TNNT1: variants seen among roughly 807,000 people sequenced by gnomAD.
The protein encoded by TNNT1 is troponin T1, slow skeletal type.
A neutral mutation model predicts 50.6 loss-of-function variants in TNNT1; 53 were observed. That is an observed-to-expected ratio of 1.05 (90% CI 0.84 to 1.32). The LOEUF (loss-of-function observed/expected upper bound fraction) is 1.32, where lower values mean the gene tolerates loss of function less well. Ranked by LOEUF, TNNT1 falls within the 40% of genes most tolerant of loss-of-function variation. The pLI, the probability that TNNT1 is intolerant of heterozygous loss-of-function variation, is 0.00. For synonymous variants in TNNT1, 142 were observed against 138.0 expected (o/e 1.03, Z -0.20); for missense variants, 348 against 381.7 (o/e 0.91, Z 0.74).
At position 55,141,845 on chromosome 19, in the gene TNNT1, CTT is replaced by C. The variant is rs1414841022; in HGVS notation, c.192+10_192+11del. 6.2e-7 allele frequency: 1 copy of C among 1,613,800 alleles called. No individual in the cohort carries two copies. The highest frequency in any genetic ancestry group is 2.2e-5 in the East Asian group (1 of 44,850). On this transcript the variant is annotated intron_variant, in intron 7 of 13. Transcript: ENST00000588981. ...AGCAACTGCGCCTGCGGAGGGGTCT[CTT>C]GTCACTTACATCGAAGTCAACGCGC...
In TNNT1 at chr19:55,138,086, A is replaced by G; in HGVS notation, c.388-12T>C. ...CTCATCTTCTCCTCCTGTGGGAAGT[A>G]AGGGGTTAACCTCATGGACTCCCCT... On this transcript the variant is annotated splice_polypyrimidine_tract_variant and intron_variant, in intron 9 of 13. Transcript: ENST00000588981. The G allele has an allele frequency of 6.2e-7, 1 of 1,613,994 alleles. No individual in the cohort carries two copies. Among genetic ancestry groups the G allele is most frequent in the Non-Finnish European group, 8.5e-7 (1 of 1,179,956 alleles).
At chr19:55,148,780 C>A (rs556148332) in intron 1 of TNNT1, among the ~76,000 whole-genome samples, 1 of 151,710 alleles carries the variant, frequency 6.6e-6, no homozygotes, top group Non-Finnish European at 1.5e-5. Context: ...CTTCTGAGAC[C>A]CCCCCAATTC....
chr19:55,147,683 C>CTGAGGGGGGGGGGGCTGGAGGCT (rs1555860239), intron 1 of TNNT1, among the ~76,000 whole-genome samples: 11 of 90,466 alleles, frequency 1.2e-4, no homozygotes, highest in South Asian at 4.2e-4. Flanking sequence ...GGGCTGGGGT[C>CTGAGGGGGGGGGGGCTGGAGGCT]TGGACTCCTG....
At chr19:55,136,764 G>A (rs1410258328) in intron 11 of TNNT1, among the ~76,000 whole-genome samples, 1 of 152,164 alleles carries the variant, frequency 6.6e-6, no homozygotes, top group Non-Finnish European at 1.5e-5. Flanking sequence ...CGCATTCCTG[G>A]CTTGAATTTA....
intron 13 of TNNT1, 80 bp from the exon 14 acceptor site, chr19:55,133,040 GC>G: frequency 7.8e-7 from 1 of 1,287,100 alleles, no homozygotes; most frequent in Non-Finnish European, 1.1e-6. Context: ...AATTCAGGAA[GC>G]CCATTCCCCA....
At chr19:55,139,687 G>A (rs1407145212) in intron 9 of TNNT1, among the ~76,000 whole-genome samples, 3 of 152,068 alleles carry the variant, frequency 2.0e-5, no homozygotes, top group Non-Finnish European at 2.9e-5. Context: ...CCCCTTCACA[G>A]CTGGGTGACG....
intron 1 of TNNT1, 42 bp from the exon 2 acceptor site, chr19:55,147,210 A>C: frequency 1.9e-6 from 3 of 1,599,588 alleles, no homozygotes; most frequent in Non-Finnish European, 2.6e-6. Flanking sequence ...TGGGGCCCCA[A>C]GGAGGGGGCG....
At chr19:55,146,912 G>C in intron 3 of TNNT1, 96 bp downstream of exon 3, 1 of 1,450,494 alleles carries the variant, frequency 6.9e-7, no homozygotes, top group Non-Finnish European at 9.2e-7. Flanking sequence ...GGGCTGAGCC[G>C]CCCCTTCCCC....
chr19:55,146,926 A>T (rs899590065), intron 3 of TNNT1, 82 bp downstream of exon 3: 3 of 1,482,100 alleles, frequency 2.0e-6, no homozygotes, highest in African/African-American at 1.4e-5. Context: ...CTTCCCCGCC[A>T]AAGTGCCACA....
chr19:55,141,605 T>C (rs1320026269), intron 7 of TNNT1, among the ~76,000 whole-genome samples: 3 of 150,216 alleles, frequency 2.0e-5, no homozygotes, highest in Non-Finnish European at 4.4e-5. Flanking sequence ...TGCCTCAGCC[T>C]CCCGAGTAGC....
chr19:55,147,081 C>T, intron 2 of TNNT1, 45 bp downstream of exon 2: 2 of 1,613,388 alleles, frequency 1.2e-6, no homozygotes, highest in Non-Finnish European at 1.7e-6. Context: ...GTGGGAGAGC[C>T]TCTCCACCAC....
chr19:55,143,008 T>TA (rs201015203), intron 6 of TNNT1, among the ~76,000 whole-genome samples: 7,208 of 146,928 alleles, frequency 0.049, 551 homozygotes, highest in African/African-American at 0.16. Context: ...TACTAGAAAT[T>TA]AAAAAAAAAA....
chr19:55,141,141 A>G lies in TNNT1; in HGVS notation c.309+45T>C, dbSNP rs760374790. On this transcript the variant is annotated intron_variant, in intron 8 of 13. Transcript: ENST00000588981. ...GCATCTCCCAAGATGCAAGGGATCC[A>G]CATGGAGGGAGGAAGACCGGGGGGA... 4 of 1,548,118 alleles carry G rather than the reference A, an allele frequency of 2.6e-6. No individual in the cohort carries two copies. In the African/African-American group the frequency reaches 5.4e-5, roughly 21 times the overall value.
At position 55,140,780 on chromosome 19, in the gene TNNT1, GAATAATAATAATAGTAAT is replaced by G. The variant is rs1298367596; in HGVS notation, c.387+85_387+102del. 4.7e-5 allele frequency: 39 copies of G among 838,332 alleles called. 1 individual carries two copies. The African/African-American group carries it at 5.9e-4, about 13-fold the overall frequency. 51.9% of individuals were successfully genotyped at this position (838,332 alleles called of 1,614,324 possible). The stretch of plus-strand genomic sequence containing the variant: ...CGACAGAGCTAGACTCCGTTTCAAA[GAATAATAATAATAGTAAT>G]AATAATAATAATAATAATAATAACA... On this transcript the variant is annotated intron_variant, in intron 9 of 13. Coordinates refer to ENST00000588981, the MANE Select transcript of TNNT1 (RefSeq NM_003283.6).
At chr19:55,143,774 G>A (rs1174778330) in intron 6 of TNNT1, among the ~76,000 whole-genome samples, 2 of 151,888 alleles carry the variant, frequency 1.3e-5, no homozygotes, top group Non-Finnish European at 2.9e-5. Flanking sequence ...ATGACTTCAG[G>A]TATCATCAAC....
intron 10 of TNNT1, 115 bp downstream of exon 10, chr19:55,137,846 T>C: frequency 7.7e-7 from 1 of 1,300,124 alleles, no homozygotes; most frequent in Non-Finnish European, 1.1e-6. Context: ...CAGCCCCTCC[T>C]CCCTCAGACC....
intron 1 of TNNT1, among the ~76,000 whole-genome samples, chr19:55,148,860 C>T (rs1050173416): frequency 2.6e-5 from 4 of 152,072 alleles, no homozygotes; most frequent in African/African-American, 9.7e-5. Flanking sequence ...TCCAGATATC[C>T]CTGACTGCTG....
intron 6 of TNNT1, among the ~76,000 whole-genome samples, chr19:55,143,008 TA>T (rs201015203): frequency 3.3e-4 from 49 of 146,870 alleles, no homozygotes; most frequent in South Asian, 4.4e-4. Context: ...TACTAGAAAT[TA>T]AAAAAAAAAA....
chr19:55,140,426 C>T (rs1003765538), intron 9 of TNNT1, among the ~76,000 whole-genome samples: 7 of 152,060 alleles, frequency 4.6e-5, no homozygotes, highest in African/African-American at 9.7e-5. Context: ...GCTAGGATCA[C>T]ACCACTGCAC....
Sources: gnomAD v4.1 joint callset for allele counts (sites outside exome capture counted in the v4.1 genomes callset) on GRCh38, gnomAD v4.1.1 for gene constraint, MANE v1.5 for transcripts, NCBI Gene and HGNC (gene_info 2026-07-23, HGNC 2026-07-21) for gene names.